The following SKAP1 variants were observed in gnomAD, a reference collection of about 807,000 sequenced individuals.
SKAP1 encodes src kinase-associated phosphoprotein 1.
In SKAP1, 44 loss-of-function variants were observed where a neutral mutation model predicts 58.5. The ratio of observed to expected loss-of-function variants is 0.75; its 90% CI spans 0.59 to 0.97. The LOEUF is 0.97. Ranked by LOEUF, SKAP1 falls within the 50% of genes least tolerant of loss-of-function variation. SKAP1 has a pLI of 0.00. For synonymous variants in SKAP1, 127 were observed against 149.7 expected, an observed-to-expected ratio of 0.85 and a Z score of 1.11; for missense variants, 390 against 435.2, an observed-to-expected ratio of 0.90 and a Z score of 0.92.
intron 4 of SKAP1, among the ~76,000 whole-genome samples, chr17:48,338,061 G>T (rs886187424): frequency 1.4e-5 from 2 of 147,666 alleles, no homozygotes; most frequent in African/African-American, 5.0e-5. Flanking sequence ...TCTTCACTTA[G>T]TTCCTTCTTT....
intron 4 of SKAP1, among the ~76,000 whole-genome samples, chr17:48,322,991 G>A (rs936610735): frequency 1.3e-5 from 2 of 152,010 alleles, no homozygotes; most frequent in Admixed American, 6.6e-5. Context: ...AGCTACCCAG[G>A]AGGCTAAGGC....
chr17:48,204,979 T>TTTCTTTC (rs1216470652), intron 4 of SKAP1, among the ~76,000 whole-genome samples: 1 of 57,004 alleles, frequency 1.8e-5, no homozygotes, highest in African/African-American at 7.7e-5. Flanking sequence ...TTTCTTTTCT[T>TTTCTTTC]TCTTTCTTTC....
chr17:48,292,730 G>A (rs540216418), intron 4 of SKAP1, among the ~76,000 whole-genome samples: 1 of 152,310 alleles, frequency 6.6e-6, no homozygotes, highest in East Asian at 1.9e-4. Flanking sequence ...AAGTTATACT[G>A]CAGGTCTTGA....
chr17:48,150,045 C>T (rs1432968682), intron 11 of SKAP1, among the ~76,000 whole-genome samples: 1 of 152,174 alleles, frequency 6.6e-6, no homozygotes, highest in African/African-American at 2.4e-5. Context: ...GTTTAAAGTA[C>T]TGCACTCTTG....
intron 2 of SKAP1, among the ~76,000 whole-genome samples, chr17:48,384,132 G>A (rs1289191413): frequency 6.6e-6 from 1 of 152,186 alleles, no homozygotes; most frequent in African/African-American, 2.4e-5. Context: ...GGAGAATTCT[G>A]CAGTGCTTGA....
At chr17:48,373,413 G>A (rs2067111766) in intron 2 of SKAP1, among the ~76,000 whole-genome samples, 1 of 152,132 alleles carries the variant, frequency 6.6e-6, no homozygotes, top group Non-Finnish European at 1.5e-5. Context: ...GATGAGATTT[G>A]GGTGGGGGGA....
chr17:48,237,910 T>C lies in SKAP1; in HGVS notation c.281-48410A>G, dbSNP rs890553393. Among the ~76,000 whole-genome samples the C allele has an allele frequency of 2.5e-5, 3 of 120,078 alleles. No individual in the cohort carries two copies. The Admixed American group carries it at 3.1e-4, about 12-fold the overall frequency. The allele number at this position is 120,078 out of a possible 152,430, so 78.8% of individuals were successfully genotyped here. Reference sequence around the variant, plus strand: ...CTGGTGAAGGGAAAGATTGATGAGTTTGGTTCAGATTTTTTTTTTTTTTTT... The same window carrying C: ...CTGGTGAAGGGAAAGATTGATGAGTCTGGTTCAGATTTTTTTTTTTTTTTT... On this transcript the variant is annotated intron_variant, in intron 4 of 12. Coordinates refer to ENST00000336915, the MANE Select transcript of SKAP1 (RefSeq NM_003726.4).
chr17:48,226,856 T>C (rs2065074559), intron 4 of SKAP1, among the ~76,000 whole-genome samples: 1 of 152,228 alleles, frequency 6.6e-6, no homozygotes, highest in Non-Finnish European at 1.5e-5. Flanking sequence ...GCTCGCACCC[T>C]CCACCAAGTT....
chr17:48,437,342 G>C, the SKAP1 span, among the ~76,000 whole-genome samples: 3 of 152,212 alleles, frequency 2.0e-5, no homozygotes, highest in African/African-American at 7.2e-5. Context: ...AAAGCTCCAT[G>C]AGCCTCAGAT....
intron 4 of SKAP1, among the ~76,000 whole-genome samples, chr17:48,233,753 G>A (rs2065150390): frequency 6.6e-6 from 1 of 152,130 alleles, no homozygotes; most frequent in Admixed American, 6.5e-5. Flanking sequence ...CTACTAGGGA[G>A]GCTGAGGCAG....
intron 4 of SKAP1, among the ~76,000 whole-genome samples, chr17:48,229,896 T>C (rs948654545): frequency 1.3e-5 from 2 of 152,216 alleles, no homozygotes; most frequent in Non-Finnish European, 2.9e-5. Flanking sequence ...ATTCCTCATC[T>C]TGTGCTTGGA....
chr17:48,137,385 C>A, intron 11 of SKAP1, 48 bp from the exon 12 acceptor site: 1 of 1,302,504 alleles, frequency 7.7e-7, no homozygotes, highest in Non-Finnish European at 1.1e-6. Flanking sequence ...GTTCATGCTT[C>A]TGCTCATTTA....
chr17:48,241,523 C>T (rs2065243564), intron 4 of SKAP1, among the ~76,000 whole-genome samples: 2 of 152,136 alleles, frequency 1.3e-5, no homozygotes, highest in African/African-American at 4.8e-5. Flanking sequence ...ATGGTTAAAT[C>T]ATGCACATTT....
At chr17:48,177,753 T>C (rs1309944196) in intron 9 of SKAP1, among the ~76,000 whole-genome samples, 2 of 152,086 alleles carry the variant, frequency 1.3e-5, no homozygotes, top group Non-Finnish European at 2.9e-5. Context: ...GTGGCTGAAA[T>C]ATTCATATCA....
intron 4 of SKAP1, among the ~76,000 whole-genome samples, chr17:48,247,577 T>G (rs959839668): frequency 6.6e-6 from 1 of 152,230 alleles, no homozygotes; most frequent in Non-Finnish European, 1.5e-5. Flanking sequence ...GACCAAAGTT[T>G]GACTAAATAT....
intron 4 of SKAP1, among the ~76,000 whole-genome samples, chr17:48,241,005 C>T (rs540696789): frequency 6.6e-6 from 1 of 152,176 alleles, no homozygotes; most frequent in Non-Finnish European, 1.5e-5. Flanking sequence ...GCTCTATCCT[C>T]TTTTTATAAA....
chr17:48,385,221 G>T (rs2067261262), intron 2 of SKAP1, among the ~76,000 whole-genome samples: 3 of 151,992 alleles, frequency 2.0e-5, no homozygotes. Context: ...AGCAGAAGCT[G>T]GATTAAAGGG....
At chr17:48,353,203 A>C (rs17623416) in intron 3 of SKAP1, among the ~76,000 whole-genome samples, 12,342 of 152,220 alleles carry the variant, frequency 0.081, 641 homozygotes, top group East Asian at 0.2. Context: ...TGCAAAATTT[A>C]GAACAGCCAC....
At chr17:48,398,892 A>T (rs1407276454) in intron 1 of SKAP1, among the ~76,000 whole-genome samples, 1 of 152,056 alleles carries the variant, frequency 6.6e-6, no homozygotes, top group Non-Finnish European at 1.5e-5. Context: ...ATGCTGGCAC[A>T]CCCCTGTAGA....
Sources: gnomAD v4.1 joint callset for allele counts (sites outside exome capture counted in the v4.1 genomes callset) on GRCh38, gnomAD v4.1.1 for gene constraint, MANE v1.5 for transcripts, NCBI Gene and HGNC (gene_info 2026-07-23, HGNC 2026-07-21) for gene names.